DMRT1: variants seen among roughly 807,000 people sequenced by gnomAD.
DMRT1 encodes the protein doublesex- and mab-3-related transcription factor 1.
Under a neutral mutation model 32.3 loss-of-function variants are expected in DMRT1, and 7 were observed. The ratio of observed to expected loss-of-function variants is 0.22; its 90% CI spans 0.12 to 0.41. The LOEUF is 0.41. DMRT1 is among the 10% of genes least tolerant of loss of function. The probability of loss-of-function intolerance (pLI) is 1.00; values close to 1 mark genes in which losing one functional copy is unlikely to be tolerated. For synonymous variants in DMRT1, 278 were observed against 206.1 expected, an observed-to-expected ratio of 1.35 and a Z score of -2.99; for missense variants, 625 against 500.5, an observed-to-expected ratio of 1.25 and a Z score of -2.37.
At chr9:896,107 T>C (rs1390485227) in intron 3 of DMRT1, among the ~76,000 whole-genome samples, 2 of 151,844 alleles carry the variant, frequency 1.3e-5, no homozygotes, top group Non-Finnish European at 2.9e-5. Context: ...CCAGCCGTAA[T>C]TGAAACTTTT....
At chr9:890,084 T>TG (rs1033224855) in intron 2 of DMRT1, among the ~76,000 whole-genome samples, 3 of 111,250 alleles carry the variant, frequency 2.7e-5, no homozygotes, top group South Asian at 3.6e-4. Flanking sequence ...CCACCAAACG[T>TG]GTTTTTTTTT....
intron 2 of DMRT1, among the ~76,000 whole-genome samples, chr9:864,702 A>G (rs1962754): frequency 0.57 from 85,475 of 150,636 alleles, 25,302 homozygotes; most frequent in South Asian, 0.66. Flanking sequence ...GGGTTTCACC[A>G]TGTTAGCCAG....
At chr9:850,754 C>T (rs568264652) in intron 2 of DMRT1, among the ~76,000 whole-genome samples, 14 of 152,054 alleles carry the variant, frequency 9.2e-5, no homozygotes, top group Non-Finnish European at 1.3e-4. Flanking sequence ...GCCAGCCAGG[C>T]GCAGTGGCTC....
intron 3 of DMRT1, among the ~76,000 whole-genome samples, chr9:907,094 A>G (rs373230177): frequency 5.9e-5 from 9 of 152,344 alleles, no homozygotes; most frequent in African/African-American, 1.7e-4. Flanking sequence ...GAATATCATC[A>G]GTACAACCCC....
chr9:844,404 G>A (rs1235584235), intron 1 of DMRT1, among the ~76,000 whole-genome samples: 2 of 152,138 alleles, frequency 1.3e-5, no homozygotes, highest in Admixed American at 6.5e-5. Flanking sequence ...AACCTTGAGA[G>A]AAGGTCCTTA....
intron 4 of DMRT1, among the ~76,000 whole-genome samples, chr9:941,138 C>T (rs1819052386): frequency 6.6e-6 from 1 of 152,106 alleles, no homozygotes; most frequent in African/African-American, 2.4e-5. Context: ...AAAATATGAA[C>T]CCAAATTACC....
chr9:847,951 T>A lies in DMRT1; in HGVS notation c.538+808T>A, dbSNP rs138609033. On this transcript the variant is annotated intron_variant, in intron 2 of 4. Coordinates refer to ENST00000382276, the MANE Select transcript of DMRT1 (RefSeq NM_021951.3). The stretch of plus-strand genomic sequence containing the variant: ...AAGGGCTATCATACTGGATAATGCA[T>A]TGCTGTCTCTTAGAAAGTCTAATTC... Among the ~76,000 whole-genome samples the A allele has an allele frequency of 7.4e-3, 1,124 of 152,358 alleles. 12 individuals carry two copies. Among genetic ancestry groups the A allele is most frequent in the African/African-American group, 0.026 (1,080 of 41,588 alleles).
chr9:870,161 G>A (rs1816175201), intron 2 of DMRT1, among the ~76,000 whole-genome samples: 1 of 152,204 alleles, frequency 6.6e-6, no homozygotes. Context: ...ACTTTGGGAG[G>A]CTGAGGCAGG....
chr9:867,419 C>T (rs1677325610), intron 2 of DMRT1, among the ~76,000 whole-genome samples: 1 of 152,204 alleles, frequency 6.6e-6, no homozygotes, highest in African/African-American at 2.4e-5. Context: ...TAATTCTCAA[C>T]TCTTTGGCAT....
intron 3 of DMRT1, among the ~76,000 whole-genome samples, chr9:912,671 T>C (rs1326589109): frequency 6.6e-6 from 1 of 152,212 alleles, no homozygotes; most frequent in Admixed American, 6.5e-5. Context: ...AGCCAGTCTA[T>C]TTGTCAGATT....
chr9:881,853 A>G lies in DMRT1; in HGVS notation c.539-12059A>G, dbSNP rs1019254404. On this transcript the variant is annotated intron_variant, in intron 2 of 4. Coordinates refer to ENST00000382276, the MANE Select transcript of DMRT1 (RefSeq NM_021951.3). ...TTCCCATTGGCCTGTTTGTGGCACAACCTGCTCCTCCAATCCGCTGGGAGG... is the reference window on the plus strand; with the variant it reads ...TTCCCATTGGCCTGTTTGTGGCACAGCCTGCTCCTCCAATCCGCTGGGAGG... 4.6e-5 allele frequency among the ~76,000 whole-genome samples: 7 copies of G among 152,250 alleles called. No individual in the cohort carries two copies. The South Asian group carries it at 6.2e-4, about 14-fold the overall frequency.
chr9:925,582 C>T (rs560549917), intron 4 of DMRT1, among the ~76,000 whole-genome samples: 7 of 152,338 alleles, frequency 4.6e-5, no homozygotes, highest in East Asian at 1.9e-4. Flanking sequence ...AGCCAGCCTA[C>T]GAACTCAGAT....
At chr9:909,206 G>A (rs1358819742) in intron 3 of DMRT1, among the ~76,000 whole-genome samples, 9 of 152,234 alleles carry the variant, frequency 5.9e-5, no homozygotes, top group African/African-American at 1.9e-4. Flanking sequence ...CGGGAGGGGC[G>A]GGTTTTCGCT....
At chr9:910,338 T>C (rs933383492) in intron 3 of DMRT1, among the ~76,000 whole-genome samples, 6 of 152,052 alleles carry the variant, frequency 3.9e-5, no homozygotes, top group Non-Finnish European at 7.4e-5. Context: ...AAAAAGACTG[T>C]TCCCCTTTGT....
chr9:861,474 C>A (rs1017786940), intron 2 of DMRT1, among the ~76,000 whole-genome samples: 1 of 152,136 alleles, frequency 6.6e-6, no homozygotes, highest in African/African-American at 2.4e-5. Flanking sequence ...TCTTTCTACA[C>A]AGACACAATA....
intron 4 of DMRT1, among the ~76,000 whole-genome samples, chr9:929,121 G>A (rs1818625923): frequency 6.6e-6 from 1 of 152,128 alleles, no homozygotes; most frequent in South Asian, 2.1e-4. Context: ...TTACAGGCAT[G>A]AGCCACCACT....
chr9:967,957 T>TCC (rs745893187), intron 4 of DMRT1, 28 bp from the exon 5 acceptor site: 1 of 1,610,662 alleles, frequency 6.2e-7, no homozygotes. Context: ...TCTCCCTTTC[T>TCC]CTCTTTCTCT....
intron 1 of DMRT1, among the ~76,000 whole-genome samples, chr9:844,470 T>G (rs1838815844): frequency 7.1e-6 from 1 of 140,820 alleles, no homozygotes; most frequent in African/African-American, 3.2e-5. Context: ...TTGCAGGGGT[T>G]TAAAACTTGT....
chr9:924,915 C>A (rs977959543), intron 4 of DMRT1, among the ~76,000 whole-genome samples: 7 of 152,248 alleles, frequency 4.6e-5, no homozygotes, highest in African/African-American at 1.7e-4. Context: ...TTTCTACATA[C>A]AAAGAGCACC....
Sources: gnomAD v4.1 joint callset for allele counts (sites outside exome capture counted in the v4.1 genomes callset) on GRCh38, gnomAD v4.1.1 for gene constraint, MANE v1.5 for transcripts, NCBI Gene and HGNC (gene_info 2026-07-23, HGNC 2026-07-21) for gene names.